Variants in EXT1 observed in about 807,000 individuals in gnomAD.
The protein encoded by EXT1 is exostosin glycosyltransferase 1.
EXT1 carries 20 observed loss-of-function variants against 82.5 expected under a neutral mutation model. The observed-to-expected ratio is 0.24, with a 90% CI of 0.17 to 0.35. The LOEUF (loss-of-function observed/expected upper bound fraction) is 0.35. EXT1 is among the 10% of genes least tolerant of loss of function. The probability of loss-of-function intolerance (pLI) is 1.00; values close to 1 mark genes in which losing one functional copy is unlikely to be tolerated. For synonymous variants in EXT1, 348 were observed against 350.8 expected (o/e 0.99, Z 0.09); for missense variants, 757 against 936.5 (o/e 0.81, Z 2.50).
chr8:118,108,908 T>C (rs1817842155), intron 1 of EXT1, among the ~76,000 whole-genome samples: 1 of 152,180 alleles, frequency 6.6e-6, no homozygotes, highest in African/African-American at 2.4e-5. Context: ...CAGTTCCTCT[T>C]GTACTCAGCT....
chr8:117,818,898 C>T (rs958078698), intron 6 of EXT1, among the ~76,000 whole-genome samples: 2 of 152,104 alleles, frequency 1.3e-5, no homozygotes, highest in Non-Finnish European at 2.9e-5. Context: ...CAACTCTGAT[C>T]AAATTAAATA....
intron 1 of EXT1, among the ~76,000 whole-genome samples, chr8:118,043,471 T>A (rs1308001394): frequency 2.0e-5 from 3 of 152,184 alleles, no homozygotes; most frequent in Non-Finnish European, 2.9e-5. Flanking sequence ...ACTAATGCCA[T>A]CACATGTGAC....
intron 1 of EXT1, among the ~76,000 whole-genome samples, chr8:117,888,298 A>C (rs1203626040): frequency 2.0e-5 from 3 of 152,080 alleles, no homozygotes; most frequent in African/African-American, 7.2e-5. Flanking sequence ...TGGTGAAAAT[A>C]AAAATGATAG....
At chr8:118,086,662 G>C (rs1236962542) in intron 1 of EXT1, among the ~76,000 whole-genome samples, 1 of 152,036 alleles carries the variant, frequency 6.6e-6, no homozygotes, top group African/African-American at 2.4e-5. Flanking sequence ...GAGAATCTTG[G>C]TCTATTTAAT....
intron 1 of EXT1, among the ~76,000 whole-genome samples, chr8:117,839,444 A>G (rs1186471090): frequency 2.0e-5 from 3 of 152,208 alleles, no homozygotes; most frequent in Non-Finnish European, 2.9e-5. Context: ...CCATACCCAT[A>G]TATGTGTGTA....
chr8:118,099,038 A>G (rs922039782), intron 1 of EXT1, among the ~76,000 whole-genome samples: 5 of 152,232 alleles, frequency 3.3e-5, no homozygotes, highest in Non-Finnish European at 7.3e-5. Flanking sequence ...AAAAGTTATA[A>G]AACACATTAC....
chr8:117,818,490 T>C lies in EXT1; in HGVS notation c.1577A>G (p.Lys526Arg), dbSNP rs901022947. ...LWNCDKPLPA[K>R]HRWPATAVPV... ...CACAGCAGTGGCAGGCCAGCGGTGT[T>C]TGGCTGGTAGGGGCTTGTCACAATT... is the stretch of plus-strand genomic sequence containing the variant. Residue 526 changes from lysine (K) to arginine (R), a missense_variant, in exon 7 of 11, where the codon AAA becomes AGA. Physicochemically the swap from Lys to Arg is conservative, Grantham distance 26 (BLOSUM62 2). Around this residue, in one of 4 missense-constraint regions of EXT1, gnomAD observed 207 missense variants for 224.2 expected, o/e 0.92. Transcript: ENST00000378204. The C allele has an allele frequency of 1.2e-6, 2 of 1,614,060 alleles. No homozygotes were observed. The highest frequency in any genetic ancestry group is 1.7e-6 in the Non-Finnish European group (2 of 1,179,988).
chr8:117,892,500 T>G (rs1471422333), intron 1 of EXT1, among the ~76,000 whole-genome samples: 1 of 152,106 alleles, frequency 6.6e-6, no homozygotes, highest in Non-Finnish European at 1.5e-5. Context: ...GGAGGTCGCA[T>G]CAAACTACAG....
intron 1 of EXT1, among the ~76,000 whole-genome samples, chr8:117,990,695 C>G (rs960172209): frequency 6.6e-6 from 1 of 152,250 alleles, no homozygotes; most frequent in Non-Finnish European, 1.5e-5. Flanking sequence ...GCTTCCTCAT[C>G]TTGCTTGCAT....
chr8:118,072,454 AT>A (rs1011107867), intron 1 of EXT1, among the ~76,000 whole-genome samples: 2 of 152,160 alleles, frequency 1.3e-5, no homozygotes, highest in African/African-American at 2.4e-5. Context: ...TTGTTGCCTA[AT>A]TGTCTGACCC....
intron 4 of EXT1, among the ~76,000 whole-genome samples, chr8:117,827,777 T>G (rs948049588): frequency 2.3e-5 from 2 of 85,452 alleles, no homozygotes; most frequent in Non-Finnish European, 3.9e-5. Context: ...AGGGTGAGAC[T>G]CTGTCTCAAA....
chr8:117,868,747 C>A (rs970479516), intron 1 of EXT1, among the ~76,000 whole-genome samples: 2 of 152,062 alleles, frequency 1.3e-5, no homozygotes, highest in Non-Finnish European at 2.9e-5. Flanking sequence ...AAGTCAGTGC[C>A]GGTAGTATCT....
chr8:118,073,396 G>A lies in EXT1; in HGVS notation c.962+36689C>T, dbSNP rs567876084. Among the ~76,000 whole-genome samples, 7 of 152,250 alleles carry A rather than the reference G, an allele frequency of 4.6e-5. No homozygotes were observed. In the South Asian group the frequency reaches 1.2e-3, roughly 27 times the overall value. ...AGCACTTTGGGAGGCCAAGGTGGGC[G>A]GATCACTTGAGGCCAGGAGTTCAAG... On this transcript the variant is annotated intron_variant, in intron 1 of 10. Coordinates refer to ENST00000378204, the MANE Select transcript of EXT1 (RefSeq NM_000127.3).
intron 4 of EXT1, among the ~76,000 whole-genome samples, chr8:117,824,008 C>T (rs1384538219): frequency 6.6e-6 from 1 of 152,150 alleles, no homozygotes; most frequent in Non-Finnish European, 1.5e-5. Flanking sequence ...TTAGCAATTT[C>T]ACTTTGTACA....
intron 1 of EXT1, among the ~76,000 whole-genome samples, chr8:117,900,023 G>A (rs1470936902): frequency 5.3e-5 from 8 of 152,186 alleles, no homozygotes; most frequent in East Asian, 3.8e-4. Context: ...TCTAAGAGAC[G>A]GATTTGCCGA....
At chr8:117,812,759 G>GA in intron 8 of EXT1, 113 bp downstream of exon 8, 1 of 1,025,344 alleles carries the variant, frequency 9.8e-7, no homozygotes, top group Non-Finnish European at 1.5e-6. Flanking sequence ...AGGAAGTTTT[G>GA]AAAAATGTTT....
intron 1 of EXT1, among the ~76,000 whole-genome samples, chr8:117,893,068 CATTACAGT>C (rs2129948334): frequency 6.6e-6 from 1 of 152,340 alleles, no homozygotes; most frequent in African/African-American, 2.4e-5. Context: ...GTAGCTGAAA[CATTACAGT>C]ACACATTATA....
At chr8:117,954,316 G>C (rs1462128247) in intron 1 of EXT1, among the ~76,000 whole-genome samples, 1 of 152,196 alleles carries the variant, frequency 6.6e-6, no homozygotes, top group African/African-American at 2.4e-5. Flanking sequence ...AAAGTCTCTT[G>C]CTCCTAAGAG....
intron 1 of EXT1, among the ~76,000 whole-genome samples, chr8:117,854,844 C>T (rs918186079): frequency 1.3e-5 from 2 of 152,094 alleles, no homozygotes; most frequent in South Asian, 2.1e-4. Context: ...TGAACATAGC[C>T]CTCTGAATCT....
Sources: allele counts gnomAD v4.1 joint callset (sites outside exome capture counted in the v4.1 genomes callset), GRCh38; gene constraint gnomAD v4.1.1; regional missense constraint gnomAD v4.1.1; transcripts MANE v1.5; gene names NCBI Gene and HGNC (gene_info 2026-07-23, HGNC 2026-07-21).